Variants in CPVL observed in about 807,000 individuals in gnomAD.
CPVL encodes probable serine carboxypeptidase CPVL.
A neutral mutation model predicts 63.7 loss-of-function variants in CPVL; 51 were observed. The ratio of observed to expected loss-of-function variants is 0.80; its 90% confidence interval spans 0.64 to 1.01. The LOEUF is 1.01. CPVL is among the 50% of genes least tolerant of loss of function. CPVL has a pLI of 0.00. For synonymous variants in CPVL, 195 were observed against 206.0 expected (o/e 0.95, Z 0.46); for missense variants, 530 against 573.1 (o/e 0.92, Z 0.77).
chr7:29,073,402 T>C (rs189339473), intron 7 of CPVL, among the ~76,000 whole-genome samples: 1 of 152,296 alleles, frequency 6.6e-6, no homozygotes, highest in East Asian at 1.9e-4. Flanking sequence ...AGACTCCTCA[T>C]TGGCCTCCTT....
At chr7:29,090,976 TTCCAAACACCCATCTG>T (rs1425205251) in intron 6 of CPVL, among the ~76,000 whole-genome samples, 1 of 152,192 alleles carries the variant, frequency 6.6e-6, no homozygotes, top group Non-Finnish European at 1.5e-5. Context: ...GACCCTCTTA[TTCCAAACACCCATCTG>T]GAGAGCTGGA....
chr7:29,141,161 A>G (rs954057354), intron 1 of CPVL, among the ~76,000 whole-genome samples: 1 of 152,218 alleles, frequency 6.6e-6, no homozygotes, highest in Non-Finnish European at 1.5e-5. Context: ...CACAGTAAGG[A>G]GCCTACATGT....
intron 5 of CPVL, among the ~76,000 whole-genome samples, chr7:29,160,936 CCT>C (rs1173036832): frequency 6.6e-6 from 1 of 152,096 alleles, no homozygotes; most frequent in Non-Finnish European, 1.5e-5. Context: ...ATCTGTCACC[CCT>C]GAGATAATAT....
At chr7:29,093,806 A>G (rs1266870757) in intron 5 of CPVL, among the ~76,000 whole-genome samples, 1 of 152,244 alleles carries the variant, frequency 6.6e-6, no homozygotes, top group Non-Finnish European at 1.5e-5. Flanking sequence ...GAAGGCTGAC[A>G]AAACAAGGTG....
intron 4 of CPVL, among the ~76,000 whole-genome samples, chr7:29,182,473 A>G (rs944053975): frequency 1.3e-5 from 2 of 152,210 alleles, no homozygotes; most frequent in African/African-American, 4.8e-5. Context: ...TTCTTCAGAC[A>G]TTTTCATAAG....
At chr7:29,192,371 T>C (rs1178155975) in intron 1 of CPVL, 1 of 152,174 alleles carries the variant, frequency 6.6e-6, no homozygotes, top group Non-Finnish European at 1.5e-5. Flanking sequence ...GTTAAAACAC[T>C]ATGAAGGGAA....
intron 1 of CPVL, among the ~76,000 whole-genome samples, chr7:29,127,838 A>C (rs1466536566): frequency 2.0e-5 from 3 of 151,928 alleles, no homozygotes; most frequent in Non-Finnish European, 2.9e-5. Flanking sequence ...ATTAGATCAC[A>C]CTCTTTTGTC....
Position 29,074,036 on chromosome 7 carries a change from T to C in CPVL, c.610-1613A>G, listed in dbSNP as rs1784000308. On this transcript the variant is annotated intron_variant, in intron 7 of 12. Transcript: ENST00000265394. ...TGGGAACCCCTGAAAGCTCTTATTTTATCCACACCATAATCATATGCTGAA... is the reference window on the plus strand; with the variant it reads ...TGGGAACCCCTGAAAGCTCTTATTTCATCCACACCATAATCATATGCTGAA... Among the ~76,000 whole-genome samples, 3 of 152,324 alleles carry C rather than the reference T, an allele frequency of 2.0e-5. No individual in the cohort carries two copies. In the South Asian group the frequency reaches 6.2e-4, roughly 32 times the overall value.
chr7:29,103,619 G>A (rs1405871401), intron 3 of CPVL, among the ~76,000 whole-genome samples: 1 of 152,168 alleles, frequency 6.6e-6, no homozygotes, highest in East Asian at 1.9e-4. Context: ...ATCTCAACAA[G>A]TGTTAGGGCA....
At chr7:29,171,592 C>CA (rs926061838) in intron 5 of CPVL, among the ~76,000 whole-genome samples, 1 of 152,150 alleles carries the variant, frequency 6.6e-6, no homozygotes, top group African/African-American at 2.4e-5. Context: ...ACCGGAAAGA[C>CA]AAACTCTAAT....
intron 11 of CPVL, among the ~76,000 whole-genome samples, chr7:29,031,250 GCAGA>G (rs1208938913): frequency 2.6e-5 from 4 of 152,214 alleles, no homozygotes; most frequent in Middle Eastern, 3.4e-3. Context: ...TTTTGCAGCA[GCAGA>G]CAGAGAGATT....
intron 1 of CPVL, among the ~76,000 whole-genome samples, chr7:29,136,210 T>C (rs1019431612): frequency 2.6e-5 from 4 of 152,196 alleles, no homozygotes; most frequent in Admixed American, 6.5e-5. Context: ...TAAAAAATCA[T>C]ATCAATAAGG....
chr7:29,145,276 A>AC (rs1294982564), intron 1 of CPVL, among the ~76,000 whole-genome samples: 1 of 151,458 alleles, frequency 6.6e-6, no homozygotes, highest in Non-Finnish European at 1.5e-5. Context: ...AAGAATGGAA[A>AC]AAAAATGAGT....
chr7:29,173,562 A>C (rs1297479668), intron 5 of CPVL, among the ~76,000 whole-genome samples: 1 of 152,142 alleles, frequency 6.6e-6, no homozygotes, highest in African/African-American at 2.4e-5. Flanking sequence ...GTAAACTTCA[A>C]AGGATAAAAA....
At chr7:29,123,874 T>C (rs1187127360) in intron 1 of CPVL, among the ~76,000 whole-genome samples, 1 of 151,526 alleles carries the variant, frequency 6.6e-6, no homozygotes, top group Non-Finnish European at 1.5e-5. Context: ...CTCAAAGATG[T>C]TAAAAAAGGA....
intron 2 of CPVL, 66 bp from the exon 3 acceptor site, chr7:29,112,888 C>T: frequency 2.8e-6 from 3 of 1,066,400 alleles, no homozygotes; most frequent in Non-Finnish European, 4.4e-6. Context: ...TGTGAGCCAT[C>T]TATCTCAGTC....
At chr7:29,051,379 T>C (rs1210531153) in intron 11 of CPVL, among the ~76,000 whole-genome samples, 1 of 152,008 alleles carries the variant, frequency 6.6e-6, no homozygotes, top group Non-Finnish European at 1.5e-5. Flanking sequence ...ATCCAGAATC[T>C]ACAACAAACA....
intron 1 of CPVL, among the ~76,000 whole-genome samples, chr7:29,141,160 G>A (rs1791829421): frequency 6.6e-6 from 1 of 152,234 alleles, no homozygotes; most frequent in Admixed American, 6.5e-5. Flanking sequence ...CCACAGTAAG[G>A]AGCCTACATG....
In CPVL at chr7:28,995,589, T is replaced by A. The variant is rs189150708; in HGVS notation, c.*183A>T. The A allele has an allele frequency of 2.6e-4, 148 of 578,234 alleles. No individual in the cohort carries two copies. The East Asian group carries it at 4.5e-3, about 17-fold the overall frequency. The allele number at this position is 578,234 out of a possible 1,614,324, so 35.8% of individuals were successfully genotyped here. A position where few individuals can be genotyped will look rare whatever the true frequency, so the allele number is the denominator to read the frequency against. ...GTAATTCTTACTCATGTACTCATGTTAATTTTGTAGTAAACATCTCCCCCC... is the reference window on the plus strand; with the variant it reads ...GTAATTCTTACTCATGTACTCATGTAAATTTTGTAGTAAACATCTCCCCCC... On this transcript the variant is annotated 3_prime_UTR_variant, in exon 13 of 13. Transcript: ENST00000265394.
Sources: allele counts gnomAD v4.1 joint callset (sites outside exome capture counted in the v4.1 genomes callset), GRCh38; gene constraint gnomAD v4.1.1; transcripts MANE v1.5; gene names NCBI Gene and HGNC (gene_info 2026-07-23, HGNC 2026-07-21).